Variants in NRXN3 observed in about 807,000 individuals in gnomAD.
NRXN3 encodes neurexin 3.
Under a neutral mutation model 137.6 loss-of-function variants are expected in NRXN3, and 32 were observed. The observed-to-expected ratio is 0.23, with a 90% confidence interval of 0.18 to 0.31. NRXN3 has a LOEUF of 0.31. Ranked by LOEUF, NRXN3 falls within the 10% of genes least tolerant of loss-of-function variation. NRXN3 has a pLI of 1.00. For missense variants in NRXN3, 1,574 were observed against 2,062.5 expected (o/e 0.76, Z 4.59); for synonymous variants, 798 against 784.5 (o/e 1.02, Z -0.29).
At chr14:78,766,047 T>G (rs1256887564) in intron 8 of NRXN3, among the ~76,000 whole-genome samples, 2 of 152,206 alleles carry the variant, frequency 1.3e-5, no homozygotes, top group Non-Finnish European at 2.9e-5. Context: ...TCAAGCAGTC[T>G]GAGGTTTCAG....
intron 15 of NRXN3, among the ~76,000 whole-genome samples, chr14:79,162,863 T>C (rs563994665): frequency 6.6e-6 from 1 of 151,852 alleles, no homozygotes; most frequent in Non-Finnish European, 1.5e-5. Flanking sequence ...CCATCACTAT[T>C]TTCTCCACCC....
intron 15 of NRXN3, among the ~76,000 whole-genome samples, chr14:79,322,477 C>T (rs111320486): frequency 0.027 from 4,109 of 152,196 alleles, 82 homozygotes; most frequent in Middle Eastern, 0.051. Flanking sequence ...CTATGCCAGG[C>T]ATTTTATGTC....
intron 19 of NRXN3, among the ~76,000 whole-genome samples, chr14:79,702,130 C>T (rs1404465359): frequency 6.6e-6 from 1 of 151,920 alleles, no homozygotes; most frequent in East Asian, 1.9e-4. Context: ...TGAAATTAGT[C>T]CTGGCAAATC....
intron 8 of NRXN3, among the ~76,000 whole-genome samples, chr14:78,758,492 G>A (rs2098678931): frequency 2.0e-5 from 3 of 152,192 alleles, no homozygotes; most frequent in South Asian, 4.1e-4. Context: ...GAAAAAAATG[G>A]CCAAATGTGT....
At chr14:78,279,208 A>T (rs983834372) in intron 3 of NRXN3, among the ~76,000 whole-genome samples, 1 of 152,190 alleles carries the variant, frequency 6.6e-6, no homozygotes, top group Non-Finnish European at 1.5e-5. Context: ...AAAAAGCAGG[A>T]TGGTTTGAAT....
At chr14:79,284,710 G>T (rs1225241043) in intron 15 of NRXN3, among the ~76,000 whole-genome samples, 1 of 152,062 alleles carries the variant, frequency 6.6e-6, no homozygotes, top group Non-Finnish European at 1.5e-5. Flanking sequence ...TGTGACACAT[G>T]ATCCTGGAGT....
chr14:79,402,274 A>G (rs569108565), intron 15 of NRXN3, among the ~76,000 whole-genome samples: 1 of 152,122 alleles, frequency 6.6e-6, no homozygotes, highest in African/African-American at 2.4e-5. Context: ...TCTCTCATTC[A>G]CTTAACAGTT....
chr14:79,370,323 G>GTTTTTTTTTTTTTTGGTTTTTTTTTTT (rs71131696), intron 15 of NRXN3, among the ~76,000 whole-genome samples: 1 of 137,496 alleles, frequency 7.3e-6, no homozygotes, highest in East Asian at 2.1e-4. Flanking sequence ...GTTTTTTTTT[G>GTTTTTTTTTTTTTTGGTTTTTTTTTTT]TTTTTTTTTT....
chr14:78,184,733 G>A (rs2060087600), intron 1 of NRXN3, among the ~76,000 whole-genome samples: 1 of 152,238 alleles, frequency 6.6e-6, no homozygotes, highest in South Asian at 2.1e-4. Context: ...ATGAGGACCA[G>A]GAGTGGCTAG....
chr14:79,766,523 G>A (rs2099056518), intron 19 of NRXN3, among the ~76,000 whole-genome samples: 2 of 152,254 alleles, frequency 1.3e-5, no homozygotes, highest in Non-Finnish European at 1.5e-5. Context: ...TGCTACCTAC[G>A]ACCACTGGCC....
At chr14:79,140,936 A>G (rs1336673326) in intron 15 of NRXN3, among the ~76,000 whole-genome samples, 1 of 152,198 alleles carries the variant, frequency 6.6e-6, no homozygotes, top group Non-Finnish European at 1.5e-5. Context: ...ACACACATAC[A>G]CAATACAAAT....
At chr14:79,560,840 C>T (rs997807384) in intron 16 of NRXN3, among the ~76,000 whole-genome samples, 2 of 152,130 alleles carry the variant, frequency 1.3e-5, no homozygotes, top group Non-Finnish European at 2.9e-5. Flanking sequence ...CACACCTGGC[C>T]GATTGTGAGC....
At chr14:79,519,310 CATG>C (rs2097032566) in intron 16 of NRXN3, among the ~76,000 whole-genome samples, 1 of 151,968 alleles carries the variant, frequency 6.6e-6, no homozygotes, top group African/African-American at 2.4e-5. Flanking sequence ...TCCTCTTTTT[CATG>C]ATGAGATAAT....
chr14:79,497,884 A>G (rs2096782418), intron 16 of NRXN3, among the ~76,000 whole-genome samples: 1 of 152,128 alleles, frequency 6.6e-6, no homozygotes, highest in Non-Finnish European at 1.5e-5. Context: ...AAATACAAAA[A>G]TTAACTGGGC....
rs566158156 is a variant in NRXN3, at chr14:79,865,521, T to C, written c.*3557T>C. 1.4e-4 allele frequency: 21 copies of C among 152,294 alleles called. No homozygotes were observed. The highest frequency in any genetic ancestry group is 2.1e-4 in the Non-Finnish European group (14 of 68,026). The allele number at this position is 152,294 out of a possible 1,614,324, so 9.4% of individuals were successfully genotyped here. ...GCCTGTGCCTTCAAGATAACATTAG[T>C]GGAGTGGTTATACTATCGACTATGT... On this transcript the variant is annotated 3_prime_UTR_variant, in exon 21 of 21. Coordinates refer to ENST00000335750, the MANE Select transcript of NRXN3 (RefSeq NM_001330195.2).
At chr14:78,586,709 C>T (rs1326727991) in intron 4 of NRXN3, among the ~76,000 whole-genome samples, 2 of 152,190 alleles carry the variant, frequency 1.3e-5, no homozygotes, top group African/African-American at 4.8e-5. Flanking sequence ...CCGACCCTGA[C>T]CGTGTACACC....
At chr14:79,328,921 G>T (rs558181067) in intron 15 of NRXN3, among the ~76,000 whole-genome samples, 17 of 152,256 alleles carry the variant, frequency 1.1e-4, no homozygotes, top group African/African-American at 4.1e-4. Context: ...AGACTGAAAA[G>T]AAAAGAAACT....
intron 15 of NRXN3, among the ~76,000 whole-genome samples, chr14:79,150,834 A>G (rs924927545): frequency 9.9e-5 from 15 of 152,106 alleles, no homozygotes; most frequent in African/African-American, 1.7e-4. Context: ...TTTGAAACCA[A>G]TGGTCACTTA....
At chr14:79,669,290 A>G (rs1603403746) in intron 17 of NRXN3, 1 of 152,250 alleles carries the variant, frequency 6.6e-6, no homozygotes, top group Non-Finnish European at 1.5e-5. Context: ...CTACAGACAT[A>G]TAAGGGCAAC....
Sources: allele counts gnomAD v4.1 joint callset (sites outside exome capture counted in the v4.1 genomes callset), GRCh38; gene constraint gnomAD v4.1.1; transcripts MANE v1.5; gene names NCBI Gene and HGNC (gene_info 2026-07-23, HGNC 2026-07-21).